The following KLHL5 variants were observed in gnomAD, a reference collection of about 807,000 sequenced individuals.
KLHL5 encodes kelch-like protein 5.
KLHL5 carries 48 observed loss-of-function variants against 77.7 expected under a neutral mutation model. The observed-to-expected ratio is 0.62, with a 90% CI of 0.49 to 0.79. KLHL5 has a LOEUF of 0.79. KLHL5 is among the 30% of genes least tolerant of loss of function. The probability of loss-of-function intolerance (pLI) is 0.00; values close to 1 mark genes in which losing one functional copy is unlikely to be tolerated. For synonymous variants in KLHL5, 260 were observed against 297.0 expected, an observed-to-expected ratio of 0.88 and a Z score of 1.28; for missense variants, 723 against 859.7, an observed-to-expected ratio of 0.84 and a Z score of 1.99.
At chr4:39,126,714 G>A (rs1367164434), downstream of KLHL5, 1 of 456,096 alleles carries the variant, frequency 2.2e-6, no homozygotes, top group East Asian at 7.0e-5. Flanking sequence ...ATACTTTTGA[G>A]GACAGCAAAG....
At chr4:39,116,683 TGAGAG>T (rs2109596536) in intron 10 of KLHL5, among the ~76,000 whole-genome samples, 1 of 152,164 alleles carries the variant, frequency 6.6e-6, no homozygotes, top group South Asian at 2.1e-4. Flanking sequence ...GATCTGTGCT[TGAGAG>T]GAGAAGGAGT....
chr4:39,055,317 A>G (rs1035155636), intron 1 of KLHL5, among the ~76,000 whole-genome samples: 2 of 152,252 alleles, frequency 1.3e-5, no homozygotes, highest in African/African-American at 4.8e-5. Flanking sequence ...CGATGCATTA[A>G]TTTACAATCT....
At chr4:39,140,417 T>C in the KLHL5 span, among the ~76,000 whole-genome samples, 3 of 152,236 alleles carry the variant, frequency 2.0e-5, no homozygotes, top group Non-Finnish European at 4.4e-5. Context: ...TAAGTGTCTT[T>C]GTAGGAAATA....
chr4:39,132,816 C>A, the KLHL5 span, among the ~76,000 whole-genome samples: 1 of 152,106 alleles, frequency 6.6e-6, no homozygotes, highest in East Asian at 1.9e-4. Context: ...AAAACGTGTT[C>A]ATTTCATTAC....
chr4:39,129,129 T>C (rs1347102607), downstream of KLHL5, among the ~76,000 whole-genome samples: 2 of 150,846 alleles, frequency 1.3e-5, no homozygotes, highest in South Asian at 2.1e-4. The surrounding 1 kb of genome is among the most constrained non-coding windows in gnomAD (Gnocchi z 4.2). Context: ...GCGGTCTATT[T>C]TCTCTTCTCC....
rs372473438 is a variant in KLHL5, at chr4:39,086,859, G to C, written c.1113+132G>C. 1.1e-5 allele frequency: 6 copies of C among 540,418 alleles called. No individual in the cohort carries two copies. The Admixed American group carries it at 1.9e-4, about 17-fold the overall frequency. The allele number at this position is 540,418 out of a possible 1,614,324, so 33.5% of individuals were successfully genotyped here. On this transcript the variant is annotated intron_variant, in intron 5 of 10. Coordinates refer to ENST00000504108, the MANE Select transcript of KLHL5 (RefSeq NM_015990.5). ...TAACAAAATTCTGCTTATGCTTTCA[G>C]TCCAGAAGATCTGGCTACTTAAATT... is the stretch of plus-strand genomic sequence containing the variant.
At chr4:39,087,690 T>C (rs1442857933) in intron 5 of KLHL5, among the ~76,000 whole-genome samples, 2 of 152,234 alleles carry the variant, frequency 1.3e-5, no homozygotes, top group African/African-American at 4.8e-5. Context: ...CACTGGAATA[T>C]ATAAAAATTT....
chr4:39,133,568 T>TA, the KLHL5 span, among the ~76,000 whole-genome samples: 1,200 of 133,876 alleles, frequency 9.0e-3, 8 homozygotes, highest in African/African-American at 0.012. Flanking sequence ...CCCCATTTCC[T>TA]AAAAAAAAAA....
chr4:39,077,306 A>G (rs1719151841), intron 2 of KLHL5, among the ~76,000 whole-genome samples: 1 of 151,924 alleles, frequency 6.6e-6, no homozygotes. Context: ...AAAATAACAA[A>G]AAAAAATTAG....
At chr4:39,128,705 G>A (rs907063593), downstream of KLHL5, among the ~76,000 whole-genome samples, 1 of 152,176 alleles carries the variant, frequency 6.6e-6, no homozygotes, top group South Asian at 2.1e-4. Flanking sequence ...GCTCACACCT[G>A]TAATCCCAGC....
Position 39,082,122 on chromosome 4 carries a change from G to A in KLHL5, c.863G>A (p.Cys288Tyr), listed in dbSNP as rs1357656174. 2 of 1,608,804 alleles carry A rather than the reference G, an allele frequency of 1.2e-6. No homozygotes were observed. Among genetic ancestry groups the A allele is most frequent in the Non-Finnish European group, 1.7e-6 (2 of 1,178,638 alleles). ...GIRSFADAQG[C>Y]TDLHKVAHNY... ...CGTTCTTTTGCTGATGCCCAAGGTT[G>A]TACAGATTTGCATAAAGTGGCTCAC... Residue 288 changes from cysteine (C) to tyrosine (Y), a missense_variant, in exon 4 of 11, where the codon TGT becomes TAT. By Grantham distance (194) the Cys-to-Tyr change is radical. Around this residue, in one of 3 missense-constraint regions of KLHL5, gnomAD observed 288 missense variants for 400.3 expected, o/e 0.72. Coordinates refer to ENST00000504108, the MANE Select transcript of KLHL5 (RefSeq NM_015990.5).
At chr4:39,133,396 C>A in the KLHL5 span, among the ~76,000 whole-genome samples, 1 of 151,666 alleles carries the variant, frequency 6.6e-6, no homozygotes, top group Non-Finnish European at 1.5e-5. Context: ...AATTAAAGTT[C>A]ATGATAAAAA....
At position 39,086,672 on chromosome 4, in the gene KLHL5, G is replaced by T; in HGVS notation, c.1058G>T (p.Arg353Leu). 6.2e-7 allele frequency: 1 copy of T among 1,613,866 alleles called. No individual in the cohort carries two copies. The highest frequency in any genetic ancestry group is 8.5e-7 in the Non-Finnish European group (1 of 1,179,924). Residue 353 changes from arginine to leucine, a missense_variant, in exon 5 of 11, where the codon CGG (arginine) becomes CTG (leucine). Physicochemically the swap from Arg to Leu is moderately radical, Grantham distance 102. Around this residue, in one of 3 missense-constraint regions of KLHL5, gnomAD observed 288 missense variants for 400.3 expected, o/e 0.72. Coordinates refer to ENST00000504108, the MANE Select transcript of KLHL5 (RefSeq NM_015990.5). ...TWVRHDLEQR[R>L]KDLSKLLAYI... ...GTCCGTCATGATTTGGAACAGAGAC[G>T]GAAAGATCTAAGTAAACTTTTGGCT...
chr4:39,103,520 A>G lies in KLHL5; in HGVS notation c.1525+9A>G, dbSNP rs1721778189. The G allele has an allele frequency of 6.2e-7, 1 of 1,600,494 alleles. No individual in the cohort carries two copies. The highest frequency in any genetic ancestry group is 2.2e-5 in the East Asian group (1 of 44,840). On this transcript the variant is annotated intron_variant, in intron 7 of 10. Coordinates refer to ENST00000504108, the MANE Select transcript of KLHL5 (RefSeq NM_015990.5). The stretch of plus-strand genomic sequence containing the variant: ...ACATAGACATGGCCTTGGTAAGTAC[A>G]ACTATGCAGATTCACTCAAAATATC...
chr4:39,078,817 G>T (rs551191137), intron 2 of KLHL5, among the ~76,000 whole-genome samples: 3 of 152,050 alleles, frequency 2.0e-5, no homozygotes, highest in African/African-American at 7.2e-5. Context: ...TGGAGGATGG[G>T]TGCACCAAAA....
intron 1 of KLHL5, among the ~76,000 whole-genome samples, chr4:39,073,790 G>A (rs962526377): frequency 2.0e-5 from 3 of 151,290 alleles, no homozygotes; most frequent in Admixed American, 6.6e-5. Context: ...GACTACAGGC[G>A]TGTGCCACCA....
At chr4:39,092,964 A>C in intron 5 of KLHL5, 1 of 382,954 alleles carries the variant, frequency 2.6e-6, no homozygotes, top group South Asian at 2.0e-5. Flanking sequence ...AAAAAGTTAA[A>C]CATAAATTTG....
Position 39,062,372 on chromosome 4 carries a change from G to A in KLHL5, c.-281G>A. The A allele has an allele frequency of 2.1e-6, 3 of 1,441,174 alleles. No homozygotes were observed. Among genetic ancestry groups the A allele is most frequent in the Non-Finnish European group, 2.7e-6 (3 of 1,104,226 alleles). 89.3% of individuals were successfully genotyped at this position (1,441,174 alleles called of 1,614,324 possible). A position where few individuals can be genotyped will look rare whatever the true frequency, so the allele number is the denominator to read the frequency against. On this transcript the variant is annotated 5_prime_UTR_variant, in exon 1 of 11. Coordinates refer to ENST00000504108, the MANE Select transcript of KLHL5 (RefSeq NM_015990.5). Reference sequence around the variant, plus strand: ...GGTCAGTATGGGAAAGGAGAGCCGGGAAAGTGGTCTAGCTGCTTCAGGATA... The same window carrying A: ...GGTCAGTATGGGAAAGGAGAGCCGGAAAAGTGGTCTAGCTGCTTCAGGATA...
At chr4:39,074,417 T>A (rs1378882720) in intron 1 of KLHL5, among the ~76,000 whole-genome samples, 2 of 152,314 alleles carry the variant, frequency 1.3e-5, no homozygotes, top group African/African-American at 2.4e-5. Context: ...TTTTTCTAAG[T>A]CTTCAATCCT....
Sources: allele counts gnomAD v4.1 joint callset (sites outside exome capture counted in the v4.1 genomes callset), GRCh38; gene constraint gnomAD v4.1.1; regional missense constraint gnomAD v4.1.1; non-coding constraint Gnocchi (gnomAD v3.1); transcripts MANE v1.5; gene names NCBI Gene and HGNC (gene_info 2026-07-23, HGNC 2026-07-21).